Variants in OTUD7B observed in about 807,000 individuals in gnomAD.
OTUD7B encodes the protein OTU deubiquitinase 7B.
A neutral mutation model predicts 82.2 loss-of-function variants in OTUD7B; 34 were observed. The ratio of observed to expected loss-of-function variants is 0.41; its 90% CI spans 0.31 to 0.55. The LOEUF (loss-of-function observed/expected upper bound fraction) is 0.55, where lower values mean the gene tolerates loss of function less well. Among genes scored for constraint, OTUD7B ranks in the 20% least tolerant of loss-of-function variants. The pLI, the probability that OTUD7B is intolerant of heterozygous loss-of-function variation, is 0.20. For synonymous variants in OTUD7B, 398 were observed against 402.7 expected (o/e 0.99, Z 0.14); for missense variants, 944 against 1,062.1 (o/e 0.89, Z 1.55).
intron 1 of OTUD7B, among the ~76,000 whole-genome samples, chr1:149,984,891 G>A (rs1370922484): frequency 6.6e-6 from 1 of 151,980 alleles, no homozygotes; most frequent in Non-Finnish European, 1.5e-5. Context: ...TCAAATCCCT[G>A]CAAAACCTTC....
At chr1:150,027,143 A>AG in the OTUD7B span, among the ~76,000 whole-genome samples, 2 of 152,190 alleles carry the variant, frequency 1.3e-5, no homozygotes, top group Non-Finnish European at 2.9e-5. Flanking sequence ...GTATTATATC[A>AG]GGTGATTCTG....
chr1:150,057,924 A>C, the OTUD7B span, among the ~76,000 whole-genome samples: 1 of 152,230 alleles, frequency 6.6e-6, no homozygotes, highest in Non-Finnish European at 1.5e-5. Context: ...AGCTTAACTC[A>C]AAAGGTCTGA....
At chr1:150,061,951 G>A in the OTUD7B span, among the ~76,000 whole-genome samples, 2 of 152,110 alleles carry the variant, frequency 1.3e-5, no homozygotes, top group Admixed American at 1.3e-4. Flanking sequence ...TAAGCCCTGG[G>A]TCTGGAAGGT....
At chr1:149,988,508 T>A (rs1266374105) in intron 1 of OTUD7B, among the ~76,000 whole-genome samples, 2 of 152,208 alleles carry the variant, frequency 1.3e-5, no homozygotes, top group African/African-American at 4.8e-5. Context: ...GGCATTTGTC[T>A]CTTCAGTGCT....
chr1:150,045,094 A>AATTTTTTT, the OTUD7B span, among the ~76,000 whole-genome samples: 1 of 146,502 alleles, frequency 6.8e-6, no homozygotes. Flanking sequence ...CTTAAACTAA[A>AATTTTTTT]TTTTTTTTTT....
At chr1:150,061,759 T>C in the OTUD7B span, among the ~76,000 whole-genome samples, 1 of 152,194 alleles carries the variant, frequency 6.6e-6, no homozygotes, top group Non-Finnish European at 1.5e-5. Flanking sequence ...AACTTCTGAC[T>C]AACCCCGAGT....
chr1:149,959,760 CCTT>C lies in OTUD7B; in HGVS notation c.766_768del (p.Lys256del). ...GCAAGCTTGATCAGTTCATTCCACTCCTTCTGCCATTCATCTTCTGTGTATACC... is the reference window on the plus strand; with the variant it reads ...GCAAGCTTGATCAGTTCATTCCACTCCTGCCATTCATCTTCTGTGTATACC... On this transcript the variant is annotated inframe_deletion, in exon 7 of 12. Transcript: ENST00000581312. The C allele has an allele frequency of 6.2e-7, 1 of 1,614,040 alleles. No individual in the cohort carries two copies. The highest frequency in any genetic ancestry group is 8.5e-7 in the Non-Finnish European group (1 of 1,179,924).
the OTUD7B span, among the ~76,000 whole-genome samples, chr1:150,059,070 T>C: frequency 4.7e-5 from 7 of 149,456 alleles, no homozygotes; most frequent in South Asian, 1.5e-3. Context: ...TTTTTTTTTT[T>C]TGTGACGGAG....
At chr1:150,037,249 C>CTTTTTTTT in the OTUD7B span, among the ~76,000 whole-genome samples, 2 of 146,992 alleles carry the variant, frequency 1.4e-5, no homozygotes, top group Non-Finnish European at 3.0e-5. Context: ...AAAATACCCT[C>CTTTTTTTT]TTTTTTTTTT....
the OTUD7B span, chr1:150,067,033 G>A: frequency 6.6e-6 from 1 of 152,476 alleles, no homozygotes; most frequent in Non-Finnish European, 1.5e-5. Flanking sequence ...GCGCCGAGGC[G>A]GGGGCGGGGC....
chr1:149,951,765 T>G (rs1648271074), intron 7 of OTUD7B, among the ~76,000 whole-genome samples: 1 of 152,206 alleles, frequency 6.6e-6, no homozygotes, highest in Admixed American at 6.5e-5. Flanking sequence ...AAAATCTGCA[T>G]AGGTTATAAT....
At chr1:149,948,823 A>G (rs1309924360) in intron 10 of OTUD7B, 146 bp downstream of exon 10, 4 of 599,462 alleles carry the variant, frequency 6.7e-6, no homozygotes, top group African/African-American at 5.6e-5. Flanking sequence ...CTGGTGCCCA[A>G]CCTCTCCTCT....
the OTUD7B span, among the ~76,000 whole-genome samples, chr1:150,055,318 G>A: frequency 2.6e-5 from 4 of 152,038 alleles, no homozygotes; most frequent in South Asian, 2.1e-4. Context: ...GATTACAGGC[G>A]TGAGCCACTG....
chr1:149,967,208 G>T, intron 4 of OTUD7B, 86 bp downstream of exon 4: 1 of 852,392 alleles, frequency 1.2e-6, no homozygotes, highest in Non-Finnish European at 1.9e-6. Context: ...TAAACTGGAA[G>T]CTAGCGATCA....
chr1:149,967,211 A>G, intron 4 of OTUD7B, 83 bp downstream of exon 4: 3 of 882,052 alleles, frequency 3.4e-6, no homozygotes, highest in Non-Finnish European at 5.4e-6. Flanking sequence ...ACTGGAAGCT[A>G]GCGATCAAGT....
chr1:149,976,566 G>A lies in OTUD7B; in HGVS notation c.85+860C>T, dbSNP rs143166671. Reference sequence around the variant, plus strand: ...GAGGAGGTTGCAGTGACCCGAGATCGCACCATTGCACTCTAGCCTGGGCAA... The same window carrying A: ...GAGGAGGTTGCAGTGACCCGAGATCACACCATTGCACTCTAGCCTGGGCAA... On this transcript the variant is annotated intron_variant, in intron 2 of 11. Coordinates refer to ENST00000581312, the MANE Select transcript of OTUD7B (RefSeq NM_020205.4). 2.2e-3 allele frequency among the ~76,000 whole-genome samples: 271 copies of A among 121,912 alleles called. 5 individuals are homozygous for A. In the East Asian group the frequency reaches 0.046, roughly 21 times the overall value. The allele number at this position is 121,912 out of a possible 152,430, so 80.0% of individuals were successfully genotyped here.
intron 6 of OTUD7B, chr1:149,961,857 A>G (rs1313245580): frequency 6.6e-6 from 1 of 152,238 alleles, no homozygotes. Context: ...CAATGGTACA[A>G]GCAATTTTAA....
intron 1 of OTUD7B, among the ~76,000 whole-genome samples, chr1:149,998,275 C>T (rs868946960): frequency 1.3e-5 from 2 of 152,046 alleles, no homozygotes; most frequent in African/African-American, 4.8e-5. Flanking sequence ...TATTTTATAC[C>T]ACAAGGCTGA....
At chr1:150,024,079 A>ATT in the OTUD7B span, among the ~76,000 whole-genome samples, 1 of 152,224 alleles carries the variant, frequency 6.6e-6, no homozygotes, top group African/African-American at 2.4e-5. Flanking sequence ...TTATTTCTCA[A>ATT]TAGAGTGCCA....
Sources: allele counts gnomAD v4.1 joint callset (sites outside exome capture counted in the v4.1 genomes callset), GRCh38; gene constraint gnomAD v4.1.1; transcripts MANE v1.5; gene names NCBI Gene and HGNC (gene_info 2026-07-23, HGNC 2026-07-21).